Variants in CPEB1 observed in about 807,000 individuals in gnomAD.
CPEB1 encodes the protein cytoplasmic polyadenylation element-binding protein 1.
A neutral mutation model predicts 65.8 loss-of-function variants in CPEB1; 7 were observed. The ratio of observed to expected loss-of-function variants is 0.11; its 90% confidence interval spans 0.06 to 0.20. CPEB1 has a LOEUF of 0.20. Among genes scored for constraint, CPEB1 ranks in the 10% least tolerant of loss-of-function variants. The pLI is 1.00. For missense variants in CPEB1, 551 were observed against 712.2 expected, an observed-to-expected ratio of 0.77 and a Z score of 2.58; for synonymous variants, 262 against 260.0, an observed-to-expected ratio of 1.01 and a Z score of -0.08.
chr15:82,640,424 C>T (rs116949507), intron 1 of CPEB1, among the ~76,000 whole-genome samples: 19 of 152,258 alleles, frequency 1.2e-4, no homozygotes, highest in Admixed American at 2.0e-4. Flanking sequence ...GTACCCCTTG[C>T]GCTTAAAATT....
intron 4 of CPEB1, among the ~76,000 whole-genome samples, chr15:82,567,618 AGAGT>A (rs1459077430): frequency 6.6e-6 from 1 of 152,006 alleles, no homozygotes; most frequent in Non-Finnish European, 1.5e-5. Flanking sequence ...CTTGGTCGAC[AGAGT>A]GAGACTCCAT....
chr15:82,613,470 C>G (rs900734551), intron 3 of CPEB1, among the ~76,000 whole-genome samples: 2 of 152,076 alleles, frequency 1.3e-5, no homozygotes, highest in Non-Finnish European at 2.9e-5. Context: ...TCACTGCAAT[C>G]TCCACCTCCT....
chr15:82,581,388 T>C (rs183603678), intron 3 of CPEB1, among the ~76,000 whole-genome samples: 7 of 152,350 alleles, frequency 4.6e-5, no homozygotes, highest in Non-Finnish European at 8.8e-5. Context: ...TTGACTATTG[T>C]AAATAGTACT....
intron 1 of CPEB1, chr15:82,629,873 G>GGGACAAATA: frequency 1.0e-6 from 1 of 985,404 alleles, no homozygotes; most frequent in Non-Finnish European, 1.2e-6. Context: ...TGACCTTAAA[G>GGGACAAATA]GGACAAACTT....
At chr15:82,573,369 C>T (rs987948136) in intron 3 of CPEB1, among the ~76,000 whole-genome samples, 4 of 142,648 alleles carry the variant, frequency 2.8e-5, no homozygotes, top group African/African-American at 1.1e-4. Context: ...GCAAAAATCA[C>T]CCATACTGGT....
intron 3 of CPEB1, among the ~76,000 whole-genome samples, chr15:82,581,602 C>A (rs771868901): frequency 6.6e-6 from 1 of 152,138 alleles, no homozygotes; most frequent in South Asian, 2.1e-4. Context: ...CATATCCTTG[C>A]CGACAATTTA....
intron 1 of CPEB1, chr15:82,638,075 T>C (rs1390114473): frequency 2.4e-6 from 1 of 417,166 alleles, no homozygotes; most frequent in African/African-American, 2.0e-5. Context: ...TAATGTGTTG[T>C]CATGTGTTAT....
At chr15:82,559,254 A>G (rs1488986829) in intron 4 of CPEB1, among the ~76,000 whole-genome samples, 2 of 152,154 alleles carry the variant, frequency 1.3e-5, no homozygotes, top group African/African-American at 4.8e-5. Flanking sequence ...GAACATATAC[A>G]CAAGATCCCA....
chr15:82,573,239 T>G, intron 3 of CPEB1: 1 of 1,384,206 alleles, frequency 7.2e-7, no homozygotes, highest in African/African-American at 1.5e-5. Context: ...TGGAGATTTT[T>G]TTTTTTTTTT....
intron 3 of CPEB1, among the ~76,000 whole-genome samples, chr15:82,596,222 G>A (rs1286880760): frequency 6.6e-6 from 1 of 152,118 alleles, no homozygotes; most frequent in Non-Finnish European, 1.5e-5. Context: ...AAATAAAGCA[G>A]TTAAGACAAG....
In CPEB1 at chr15:82,631,982, C is replaced by CTTTT. The variant is rs10656923; in HGVS notation, c.-97-3430_-97-3427dup. Among the ~76,000 whole-genome samples, 51 of 124,984 alleles carry CTTTT rather than the reference C, an allele frequency of 4.1e-4. 1 individual carries two copies. The highest frequency in any genetic ancestry group is 5.8e-4 in the African/African-American group (19 of 32,602). The allele number at this position is 124,984 out of a possible 152,430, so 82.0% of individuals were successfully genotyped here. ...ACACAGAATTCATTTATTTTTTTCTCTTTTTTTTTTTTTTTTTGAGACGGA... is the reference window on the plus strand; with the variant it reads ...ACACAGAATTCATTTATTTTTTTCTCTTTTTTTTTTTTTTTTTTTTTGAGACGGA... On this transcript the variant is annotated intron_variant, in intron 1 of 12. Coordinates refer to ENST00000684509, the MANE Select transcript of CPEB1 (RefSeq NM_001365242.1).
chr15:82,596,815 A>T (rs962796715), intron 3 of CPEB1, among the ~76,000 whole-genome samples: 37 of 152,054 alleles, frequency 2.4e-4, no homozygotes, highest in Admixed American at 5.9e-4. Flanking sequence ...AGTAGTTTTG[A>T]TACATCCTCT....
At chr15:82,563,007 A>T (rs1036723518) in intron 4 of CPEB1, among the ~76,000 whole-genome samples, 11 of 152,352 alleles carry the variant, frequency 7.2e-5, no homozygotes, top group African/African-American at 2.6e-4. Flanking sequence ...AGGACAACAC[A>T]GAGAGGCAAG....
At chr15:82,605,702 A>G (rs1286013685) in intron 3 of CPEB1, among the ~76,000 whole-genome samples, 1 of 152,236 alleles carries the variant, frequency 6.6e-6, no homozygotes, top group African/African-American at 2.4e-5. Flanking sequence ...AAAGATAGCT[A>G]AAGTTAATTA....
chr15:82,629,944 C>A, intron 1 of CPEB1: 1 of 985,368 alleles, frequency 1.0e-6, no homozygotes, highest in Non-Finnish European at 1.2e-6. Flanking sequence ...GTGAAGACGA[C>A]CAAAATACAC....
At position 82,576,778 on chromosome 15, in the gene CPEB1, T is replaced by A. The variant is rs190058965; in HGVS notation, c.272-5246A>T. On this transcript the variant is annotated intron_variant, in intron 3 of 12. Coordinates refer to ENST00000684509, the MANE Select transcript of CPEB1 (RefSeq NM_001365242.1). ...TGGCTCATACGTGTAGTCCCAGCAC[T>A]TTGTGAGGCCAACGCAGGTGGATAG... 4.5e-4 allele frequency among the ~76,000 whole-genome samples: 69 copies of A among 152,276 alleles called. 1 individual carries two copies. The East Asian group carries it at 0.013, about 29-fold the overall frequency.
chr15:82,587,917 T>G (rs2041929138), intron 3 of CPEB1, among the ~76,000 whole-genome samples: 1 of 147,682 alleles, frequency 6.8e-6, no homozygotes, highest in South Asian at 2.1e-4. Context: ...AATTTTGTTT[T>G]GTTTTGTTTT....
chr15:82,612,616 C>G (rs1230192673), intron 3 of CPEB1, among the ~76,000 whole-genome samples: 2 of 151,904 alleles, frequency 1.3e-5, no homozygotes, highest in Non-Finnish European at 1.5e-5. Flanking sequence ...GCGGGTGGGT[C>G]ATGAGGTCAG....
At chr15:82,550,923 TGG>T (rs1555452885) in intron 9 of CPEB1, among the ~76,000 whole-genome samples, 1 of 63,878 alleles carries the variant, frequency 1.6e-5, no homozygotes, top group Non-Finnish European at 2.9e-5. Flanking sequence ...TGTAAGGTGA[TGG>T]GAGGGAATGG....
Sources: allele counts gnomAD v4.1 joint callset (sites outside exome capture counted in the v4.1 genomes callset), GRCh38; gene constraint gnomAD v4.1.1; transcripts MANE v1.5; gene names NCBI Gene and HGNC (gene_info 2026-07-23, HGNC 2026-07-21).